SEMA5A: variants seen among roughly 807,000 people sequenced by gnomAD.
The protein encoded by SEMA5A is semaphorin 5A.
In SEMA5A, 55 loss-of-function variants were observed where a neutral mutation model predicts 135.5. The observed-to-expected ratio is 0.41, with a 90% CI of 0.33 to 0.51. The LOEUF (loss-of-function observed/expected upper bound fraction) is 0.51, where lower values mean the gene tolerates loss of function less well. Ranked by LOEUF, SEMA5A falls within the 20% of genes least tolerant of loss-of-function variation. The pLI, the probability that SEMA5A is intolerant of heterozygous loss-of-function variation, is 0.37. For synonymous variants in SEMA5A, 580 were observed against 546.5 expected, an observed-to-expected ratio of 1.06 and a Z score of -0.85; for missense variants, 1,290 against 1,419.9, an observed-to-expected ratio of 0.91 and a Z score of 1.47.
At chr5:9,384,599 G>GATAC (rs1755767283) in intron 2 of SEMA5A, among the ~76,000 whole-genome samples, 9 of 112,840 alleles carry the variant, frequency 8.0e-5, no homozygotes, top group South Asian at 2.8e-4. Flanking sequence ...TAGATAGATA[G>GATAC]ATAGATAGAT....
intron 11 of SEMA5A, among the ~76,000 whole-genome samples, chr5:9,155,656 T>C (rs1406912726): frequency 6.6e-6 from 1 of 152,186 alleles, no homozygotes; most frequent in African/African-American, 2.4e-5. Flanking sequence ...GGTTCTTATT[T>C]TGCAAACACA....
chr5:9,118,475 C>A (rs1249516138), intron 15 of SEMA5A, among the ~76,000 whole-genome samples: 1 of 152,056 alleles, frequency 6.6e-6, no homozygotes, highest in Non-Finnish European at 1.5e-5. Context: ...TCAAAATACA[C>A]GTGGAAAAGA....
intron 1 of SEMA5A, among the ~76,000 whole-genome samples, chr5:9,451,199 T>C (rs1161335953): frequency 2.0e-5 from 3 of 152,196 alleles, no homozygotes; most frequent in African/African-American, 7.2e-5. Context: ...TGCATGCTAA[T>C]ATAAAATCTG....
rs573026890 is a variant in SEMA5A at position 9,174,353 on chromosome 5, A to T, written c.1273+15914T>A. Among the ~76,000 whole-genome samples the T allele has an allele frequency of 2.0e-5, 3 of 152,296 alleles. No individual in the cohort carries two copies. The South Asian group carries it at 6.2e-4, about 32-fold the overall frequency. On this transcript the variant is annotated intron_variant, in intron 11 of 22. Coordinates refer to ENST00000382496, the MANE Select transcript of SEMA5A (RefSeq NM_003966.3). ...ACTCCCAACCCTCTCTTAATCCCAG[A>T]TATGTGAAATATCTTCCTTCTGTTC...
At chr5:9,200,371 T>G (rs2150364978) in intron 9 of SEMA5A, among the ~76,000 whole-genome samples, 1 of 152,328 alleles carries the variant, frequency 6.6e-6, no homozygotes, top group South Asian at 2.1e-4. Flanking sequence ...TGGTGTTTTG[T>G]TTTGTTTTGC....
intron 8 of SEMA5A, among the ~76,000 whole-genome samples, chr5:9,223,121 C>T (rs984682459): frequency 6.6e-6 from 1 of 152,180 alleles, no homozygotes; most frequent in South Asian, 2.1e-4. Context: ...TCAACTGATT[C>T]GGTTGAAGTC....
intron 4 of SEMA5A, among the ~76,000 whole-genome samples, chr5:9,329,261 T>C (rs1210866072): frequency 3.3e-5 from 5 of 152,180 alleles, no homozygotes; most frequent in Admixed American, 3.3e-4. Context: ...CATCATACTT[T>C]TTGTTTTGGG....
At chr5:9,280,731 C>T (rs1269042375) in intron 5 of SEMA5A, 2 of 278,776 alleles carry the variant, frequency 7.2e-6, no homozygotes, top group Non-Finnish European at 7.4e-6. Context: ...ACATGGAGGA[C>T]TCTCAAGTTA....
At chr5:9,222,313 G>A (rs758258301) in intron 8 of SEMA5A, among the ~76,000 whole-genome samples, 13 of 152,174 alleles carry the variant, frequency 8.5e-5, no homozygotes, top group African/African-American at 7.2e-5. Context: ...TCAACTAGGA[G>A]TGGAAATAGT....
In SEMA5A at chr5:9,305,734, GCA is replaced by G. The variant is rs111746284; in HGVS notation, c.270+12636_270+12637del. On this transcript the variant is annotated intron_variant, in intron 5 of 22. Transcript: ENST00000382496. Reference sequence around the variant, plus strand: ...TATATATATATATATATATTTACACGCACACACACACACACACACACATATAT... The same window carrying G: ...TATATATATATATATATATTTACACGCACACACACACACACACACATATAT... Among the ~76,000 whole-genome samples, 1,071 of 142,406 alleles carry G rather than the reference GCA, an allele frequency of 7.5e-3. 22 individuals are homozygous for G. The highest frequency in any genetic ancestry group is 0.026 in the Middle Eastern group (7 of 268). 93.4% of individuals were successfully genotyped at this position (142,406 alleles called of 152,430 possible).
intron 5 of SEMA5A, among the ~76,000 whole-genome samples, chr5:9,310,802 C>CATATATATATATATATAT (rs59096330): frequency 1.7e-4 from 25 of 146,232 alleles, no homozygotes; most frequent in African/African-American, 6.2e-4. Flanking sequence ...TGCATATATA[C>CATATATATATATATATAT]ATATATATAT....
intron 11 of SEMA5A, among the ~76,000 whole-genome samples, chr5:9,167,415 T>A (rs1422596644): frequency 6.6e-6 from 1 of 152,170 alleles, no homozygotes; most frequent in African/African-American, 2.4e-5. Flanking sequence ...AATCTGTCCA[T>A]GCACCTGAAA....
intron 1 of SEMA5A, among the ~76,000 whole-genome samples, chr5:9,515,484 G>C (rs1356358554): frequency 1.3e-5 from 2 of 152,220 alleles, no homozygotes; most frequent in African/African-American, 4.8e-5. Flanking sequence ...AAAAATGCAT[G>C]TGTAATATGG....
At position 9,358,889 on chromosome 5, in the gene SEMA5A, G is replaced by A. The variant is rs140090637; in HGVS notation, c.124+20934C>T. Among the ~76,000 whole-genome samples, 267 of 152,300 alleles carry A rather than the reference G, an allele frequency of 1.8e-3. 2 individuals are homozygous for A. The highest frequency in any genetic ancestry group is 4.1e-3 in the South Asian group (20 of 4,826). On this transcript the variant is annotated intron_variant, in intron 3 of 22. Coordinates refer to ENST00000382496, the MANE Select transcript of SEMA5A (RefSeq NM_003966.3). ...AGGAGGCTCTAGGTTGAGGCATTGA[G>A]GTACATGATGAGATAATTTTCTCTC...
chr5:9,290,981 G>A (rs1320175530), intron 5 of SEMA5A, among the ~76,000 whole-genome samples: 1 of 152,158 alleles, frequency 6.6e-6, no homozygotes, highest in African/African-American at 2.4e-5. Flanking sequence ...ATGTGTCAGA[G>A]CTTGACATAT....
intron 16 of SEMA5A, among the ~76,000 whole-genome samples, chr5:9,095,788 C>G (rs1739281750): frequency 6.6e-6 from 1 of 152,162 alleles, no homozygotes; most frequent in Non-Finnish European, 1.5e-5. Context: ...GTCACTTCTA[C>G]CAAAGGAAGC....
intron 5 of SEMA5A, among the ~76,000 whole-genome samples, chr5:9,243,048 T>C (rs1748290880): frequency 6.6e-6 from 1 of 152,246 alleles, no homozygotes; most frequent in African/African-American, 2.4e-5. Flanking sequence ...GCCTGTTGAA[T>C]GCTCACTGGG....
chr5:9,353,292 A>T (rs200320034), intron 3 of SEMA5A, among the ~76,000 whole-genome samples: 2 of 118,896 alleles, frequency 1.7e-5, no homozygotes, highest in Admixed American at 8.6e-5. Flanking sequence ...AAGGAGGGAA[A>T]GGAAGGGAAG....
chr5:9,380,048 C>A, intron 2 of SEMA5A, 25 bp from the exon 3 acceptor site: 1 of 1,439,002 alleles, frequency 6.9e-7, no homozygotes, highest in Non-Finnish European at 9.3e-7. Flanking sequence ...AGAGAAGAAT[C>A]AGATGACTGT....
Sources: allele counts gnomAD v4.1 joint callset (sites outside exome capture counted in the v4.1 genomes callset), GRCh38; gene constraint gnomAD v4.1.1; transcripts MANE v1.5; gene names NCBI Gene and HGNC (gene_info 2026-07-23, HGNC 2026-07-21).